The following UPF2 variants were observed in gnomAD, a reference collection of about 807,000 sequenced individuals.
UPF2 encodes regulator of nonsense transcripts 2.
Under a neutral mutation model 141.4 loss-of-function variants are expected in UPF2, and 17 were observed. The ratio of observed to expected loss-of-function variants is 0.12; its 90% CI spans 0.08 to 0.18. The LOEUF (loss-of-function observed/expected upper bound fraction) is 0.18, where lower values mean the gene tolerates loss of function less well. UPF2 is among the 10% of genes least tolerant of loss of function. The probability of loss-of-function intolerance (pLI) is 1.00; values close to 1 mark genes in which losing one functional copy is unlikely to be tolerated. For missense variants in UPF2, 1,152 were observed against 1,515.9 expected, an observed-to-expected ratio of 0.76 and a Z score of 3.99; for synonymous variants, 540 against 498.0, an observed-to-expected ratio of 1.08 and a Z score of -1.12.
intron 8 of UPF2, among the ~76,000 whole-genome samples, chr10:11,986,365 T>TATC (rs1205360324): frequency 7.2e-5 from 11 of 152,132 alleles, no homozygotes; most frequent in Non-Finnish European, 1.6e-4. Context: ...AGTTAATGAT[T>TATC]ATCAAGTCAG....
At chr10:11,945,422 TTA>T (rs2131174904) in intron 16 of UPF2, among the ~76,000 whole-genome samples, 1 of 152,356 alleles carries the variant, frequency 6.6e-6, no homozygotes, top group Non-Finnish European at 1.5e-5. Flanking sequence ...TTTCTCCTCC[TTA>T]TGTTTGGAGG....
rs1202419975 is a variant in UPF2, at chr10:11,921,209, T to C, written c.*89A>G. On this transcript the variant is annotated 3_prime_UTR_variant, in exon 22 of 22. Coordinates refer to ENST00000357604, the MANE Select transcript of UPF2 (RefSeq NM_015542.4). The surrounding 1 kb of genome is among the most constrained non-coding windows in gnomAD (Gnocchi z 5.9). ...AACTCTCTAGACCGACCTGCTGAGA[T>C]GTGTCCACTGCTCTCATTCAATTGC... is the stretch of plus-strand genomic sequence containing the variant. The C allele has an allele frequency of 1.9e-6, 3 of 1,559,270 alleles. No individual in the cohort carries two copies. The highest frequency in any genetic ancestry group is 2.7e-6 in the Non-Finnish European group (3 of 1,130,118).
chr10:12,013,657 T>C (rs748355895), intron 4 of UPF2, among the ~76,000 whole-genome samples: 5 of 152,206 alleles, frequency 3.3e-5, no homozygotes, highest in Non-Finnish European at 7.3e-5. Context: ...GAACTCATCA[T>C]ATTATCATGA....
rs1564353428 is a variant in UPF2 at position 11,979,674 on chromosome 10, A to G, written c.1845-509T>C. 6.6e-6 allele frequency among the ~76,000 whole-genome samples: 1 copy of G among 152,214 alleles called. No homozygotes were observed. Among genetic ancestry groups the G allele is most frequent in the Admixed American group, 6.5e-5 (1 of 15,280 alleles). On this transcript the variant is annotated intron_variant, in intron 8 of 21. Coordinates refer to ENST00000357604, the MANE Select transcript of UPF2 (RefSeq NM_015542.4). The surrounding 1 kb of genome is among the most constrained non-coding windows in gnomAD (Gnocchi z 6.2). ...GTAATCCCAGCACTTTGGGAGGCCG[A>G]GGCAGGCAGATCATGAGGTAAAGAG...
intron 9 of UPF2, among the ~76,000 whole-genome samples, chr10:11,974,147 T>C (rs1246218092): frequency 6.6e-6 from 1 of 152,136 alleles, no homozygotes; most frequent in Non-Finnish European, 1.5e-5. Flanking sequence ...GAAGCAATTA[T>C]GAATGGGAGT....
intron 4 of UPF2, among the ~76,000 whole-genome samples, chr10:12,006,361 G>C (rs1200508910): frequency 6.6e-6 from 1 of 152,146 alleles, no homozygotes; most frequent in African/African-American, 2.4e-5. Flanking sequence ...CCTACTTTAT[G>C]ATTATGAGCC....
chr10:11,952,321 T>C (rs1274334183), intron 14 of UPF2, 72 bp from the exon 15 acceptor site: 2 of 1,353,148 alleles, frequency 1.5e-6, no homozygotes, highest in South Asian at 3.2e-5. Context: ...ATAAACTATA[T>C]TGTGCTGTTT....
intron 7 of UPF2, among the ~76,000 whole-genome samples, chr10:11,999,686 T>C (rs1833923104): frequency 6.6e-6 from 1 of 152,204 alleles, no homozygotes; most frequent in Admixed American, 6.5e-5. Context: ...GGGATCCATG[T>C]ATGAACAGGA....
In UPF2 at chr10:11,936,417, A is replaced by T; in HGVS notation, c.3546+128T>A. On this transcript the variant is annotated intron_variant, in intron 19 of 21. Transcript: ENST00000357604. This position sits in a 1 kb window ranked among gnomAD's most constrained non-coding sequence, Gnocchi z 6.6. ...AAAAACAAAAAAAACTATATAAGGG[A>T]AGAAATTATTCTACCACTGAATGGT... is the stretch of plus-strand genomic sequence containing the variant. The T allele has an allele frequency of 1.0e-6, 1 of 966,758 alleles. No homozygotes were observed. Among genetic ancestry groups the T allele is most frequent in the Non-Finnish European group, 1.4e-6 (1 of 705,156 alleles). The allele number at this position is 966,758 out of a possible 1,614,324, so 59.9% of individuals were successfully genotyped here. A position where few individuals can be genotyped will look rare whatever the true frequency, so the allele number is the denominator to read the frequency against.
intron 4 of UPF2, among the ~76,000 whole-genome samples, chr10:12,010,073 G>T (rs1048289300): frequency 6.6e-6 from 1 of 152,142 alleles, no homozygotes; most frequent in African/African-American, 2.4e-5. Flanking sequence ...CTCAGTATTA[G>T]GAAAAATTAG....
intron 21 of UPF2, among the ~76,000 whole-genome samples, chr10:11,922,648 T>A (rs981955548): frequency 2.0e-5 from 3 of 152,194 alleles, no homozygotes; most frequent in African/African-American, 7.2e-5. Flanking sequence ...TCATTCTGAG[T>A]GACTCAAAAA....
chr10:12,002,951 C>G (rs1207316817), intron 5 of UPF2, among the ~76,000 whole-genome samples: 1 of 152,184 alleles, frequency 6.6e-6, no homozygotes, highest in Non-Finnish European at 1.5e-5. Flanking sequence ...CTTATAGTCT[C>G]TAATCTCCTA....
At chr10:11,967,307 T>G in intron 10 of UPF2, 34 bp downstream of exon 10, 1 of 1,258,868 alleles carries the variant, frequency 7.9e-7, no homozygotes, top group Non-Finnish European at 1.1e-6. Flanking sequence ...TTTAAACTTT[T>G]CAATTAAAAA....
At chr10:11,997,792 C>T in intron 7 of UPF2, 35 bp from the exon 8 acceptor site, 1 of 1,578,576 alleles carries the variant, frequency 6.3e-7, no homozygotes, top group Non-Finnish European at 8.7e-7. Flanking sequence ...CTTTAAAAAC[C>T]TCTAATTAGT....
chr10:12,015,370 T>C (rs1367579496), intron 3 of UPF2, among the ~76,000 whole-genome samples: 1 of 152,206 alleles, frequency 6.6e-6, no homozygotes, highest in Non-Finnish European at 1.5e-5. Context: ...CTTTCCCATT[T>C]TACCCTATTT....
Position 11,975,032 on chromosome 10 carries a change from T to G in UPF2, c.1953+4025A>C, listed in dbSNP as rs541102854. ...AACTTATTTTAACAAATAAAGAAAC[T>G]TAATCAAAAAGTTGGAAGATGATTA... On this transcript the variant is annotated intron_variant, in intron 9 of 21. Transcript: ENST00000357604. Among the ~76,000 whole-genome samples, 329 of 152,326 alleles carry G rather than the reference T, an allele frequency of 2.2e-3. 2 individuals are homozygous for G. The highest frequency in any genetic ancestry group is 7.6e-3 in the African/African-American group (315 of 41,576).
intron 8 of UPF2, among the ~76,000 whole-genome samples, chr10:11,983,823 G>A (rs1435224459): frequency 3.9e-5 from 6 of 151,950 alleles, no homozygotes; most frequent in South Asian, 2.1e-4. Context: ...GAAATAACAC[G>A]TTTTCTATGC....
intron 2 of UPF2, among the ~76,000 whole-genome samples, chr10:12,030,635 G>A (rs1038722864): frequency 6.6e-6 from 1 of 152,000 alleles, no homozygotes; most frequent in Non-Finnish European, 1.5e-5. Flanking sequence ...TGTAATCCCA[G>A]CACTTTGGGA....
At chr10:11,958,946 TAG>T (rs999156305) in intron 12 of UPF2, among the ~76,000 whole-genome samples, 1 of 152,214 alleles carries the variant, frequency 6.6e-6, no homozygotes, top group African/African-American at 2.4e-5. Context: ...CAAAATTTAC[TAG>T]AGTTACTATT....
Sources: allele counts gnomAD v4.1 joint callset (sites outside exome capture counted in the v4.1 genomes callset), GRCh38; gene constraint gnomAD v4.1.1; non-coding constraint Gnocchi (gnomAD v3.1); transcripts MANE v1.5; gene names NCBI Gene and HGNC (gene_info 2026-07-23, HGNC 2026-07-21).